GPLD1: variants seen among roughly 807,000 people sequenced by gnomAD.
GPLD1 encodes phosphatidylinositol-glycan-specific phospholipase D.
A neutral mutation model predicts 112.6 loss-of-function variants in GPLD1; 84 were observed. The ratio of observed to expected loss-of-function variants is 0.75; its 90% CI spans 0.63 to 0.89. The LOEUF (loss-of-function observed/expected upper bound fraction) is 0.89. GPLD1 is among the 40% of genes least tolerant of loss of function. The pLI is 0.00. For missense variants in GPLD1, 1,044 were observed against 1,051.5 expected (o/e 0.99, Z 0.10); for synonymous variants, 386 against 403.8 (o/e 0.96, Z 0.53).
chr6:24,451,332 CTTT>C (rs76706819), intron 14 of GPLD1, among the ~76,000 whole-genome samples: 1 of 151,566 alleles, frequency 6.6e-6, no homozygotes, highest in Non-Finnish European at 1.5e-5. Flanking sequence ...AATTCTTTCT[CTTT>C]TTTTTGTTTT....
At chr6:24,489,848 C>CAA (rs1209652771), upstream of GPLD1, among the ~76,000 whole-genome samples, 8 of 152,118 alleles carry the variant, frequency 5.3e-5, no homozygotes, top group African/African-American at 1.9e-4. Context: ...TGTAGAGATG[C>CAA]AAGCAAAGTT....
rs61733858 is a variant in GPLD1 at position 24,449,890 on chromosome 6, G to A, written c.1345C>T (p.Arg449Trp). Residue 449 changes from arginine (R) to tryptophan (W), a missense_variant, in exon 15 of 25, where the codon CGG becomes TGG. Coordinates refer to ENST00000230036, the MANE Select transcript of GPLD1 (RefSeq NM_001503.4). The stretch of plus-strand genomic sequence containing the variant: ...AACACAGCCAAGGCCGAGCCAAACC[G>A]ACCTGAGGGCTGAAGAGGCACAAGT... ...RILEGFQPSG[R>W]FGSALAVLDF... The A allele has an allele frequency of 9.8e-5, 158 of 1,612,594 alleles. No homozygotes were observed. In the Middle Eastern group the frequency reaches 1.5e-3, roughly 15 times the overall value.
chr6:24,495,000 G>A, exon 1 of GPLD1: 2 of 1,319,178 alleles, frequency 1.5e-6, no homozygotes, highest in Non-Finnish European at 1.9e-6. Flanking sequence ...CCGGGCCATG[G>A]CGACCTGCAT....
chr6:24,465,572 A>G (rs894147005), intron 10 of GPLD1, among the ~76,000 whole-genome samples: 8 of 150,760 alleles, frequency 5.3e-5, no homozygotes, highest in Non-Finnish European at 1.2e-4. Context: ...TGTGCTCTTA[A>G]AAAAAAAAGA....
intron 1 of GPLD1, among the ~76,000 whole-genome samples, chr6:24,487,373 A>T (rs1030167702): frequency 6.6e-6 from 1 of 152,198 alleles, no homozygotes; most frequent in Non-Finnish European, 1.5e-5. Flanking sequence ...AAATTCTCAG[A>T]ATCCGTGCAG....
At chr6:24,494,941 G>C in intron 1 of GPLD1, 1 of 1,274,852 alleles carries the variant, frequency 7.8e-7, no homozygotes, top group Non-Finnish European at 9.9e-7. Context: ...CGACCCCTGC[G>C]TTCCCGTGCG....
At chr6:24,463,844 C>T (rs1321856906) in intron 10 of GPLD1, among the ~76,000 whole-genome samples, 1 of 152,262 alleles carries the variant, frequency 6.6e-6, no homozygotes, top group South Asian at 2.1e-4. Context: ...ATTTCCCATA[C>T]ATTTTCATAA....
At chr6:24,464,745 C>CCCT (rs893241856) in intron 10 of GPLD1, among the ~76,000 whole-genome samples, 13 of 152,206 alleles carry the variant, frequency 8.5e-5, no homozygotes, top group African/African-American at 3.1e-4. Flanking sequence ...GCCCAGAGAA[C>CCCT]CCTCTTTCCC....
At chr6:24,449,974 A>G in intron 14 of GPLD1, 75 bp from the exon 15 acceptor site, 1 of 1,053,804 alleles carries the variant, frequency 9.5e-7, no homozygotes, top group South Asian at 1.4e-5. Context: ...CCCAGGGAGT[A>G]GAGAGGCCTG....
rs575231822 is a variant in GPLD1, at chr6:24,479,295, C to T, written c.232+586G>A. Among the ~76,000 whole-genome samples, 4 of 152,258 alleles carry T rather than the reference C, an allele frequency of 2.6e-5. No homozygotes were observed. In the South Asian group the frequency reaches 6.2e-4, roughly 24 times the overall value. On this transcript the variant is annotated intron_variant, in intron 3 of 24. Coordinates refer to ENST00000230036, the MANE Select transcript of GPLD1 (RefSeq NM_001503.4). ...CTGTAAGAGAGAGAGTGTTCCTGAC[C>T]GAAATCGGCCAGAAGCCCCTCTCAG...
At chr6:24,473,470 C>T (rs1279932105) in intron 6 of GPLD1, 149 bp downstream of exon 6, 20 of 507,704 alleles carry the variant, frequency 3.9e-5, no homozygotes, top group East Asian at 1.5e-4. Context: ...AAATGAGGTA[C>T]ATCTCTACTC....
At chr6:24,432,872 A>C (rs1024897164) in intron 24 of GPLD1, among the ~76,000 whole-genome samples, 1 of 152,162 alleles carries the variant, frequency 6.6e-6, no homozygotes, top group Non-Finnish European at 1.5e-5. Context: ...TTTAAACTTC[A>C]TATGTTACAA....
intron 5 of GPLD1, among the ~76,000 whole-genome samples, 185 bp from the exon 6 acceptor site, chr6:24,473,852 C>T (rs1045131021): frequency 1.6e-4 from 25 of 152,200 alleles, no homozygotes; most frequent in African/African-American, 4.3e-4. Flanking sequence ...AGGCAGGGCG[C>T]GGTAGCTCAC....
intron 10 of GPLD1, among the ~76,000 whole-genome samples, chr6:24,465,209 A>AAAAAGAAAAGAAAAG (rs1183805981): frequency 1.9e-5 from 2 of 107,278 alleles, no homozygotes; most frequent in African/African-American, 9.1e-5. Context: ...AAAAAAAAAA[A>AAAAAGAAAAGAAAAG]AAAAGAAAAG....
chr6:24,479,429 T>C (rs1764129101), intron 3 of GPLD1, among the ~76,000 whole-genome samples: 1 of 152,220 alleles, frequency 6.6e-6, no homozygotes, highest in Admixed American at 6.5e-5. Flanking sequence ...TGCATAACAC[T>C]TGACAAAATA....
intron 14 of GPLD1, among the ~76,000 whole-genome samples, chr6:24,450,432 C>T (rs760055304): frequency 6.6e-6 from 1 of 151,958 alleles, no homozygotes; most frequent in Non-Finnish European, 1.5e-5. Context: ...ATCTGGGAGG[C>T]GGAGGTTGCA....
intron 3 of GPLD1, among the ~76,000 whole-genome samples, chr6:24,477,013 A>G (rs901200951): frequency 6.6e-5 from 10 of 152,072 alleles, no homozygotes; most frequent in African/African-American, 2.4e-4. Flanking sequence ...CCAGTTTTAA[A>G]TCATTGGTTT....
At chr6:24,447,446 G>A (rs1256962540) in intron 17 of GPLD1, among the ~76,000 whole-genome samples, 1 of 152,156 alleles carries the variant, frequency 6.6e-6, no homozygotes. Context: ...AACCTGGGAG[G>A]TGGAGGTTGT....
chr6:24,482,415 G>A lies in GPLD1; in HGVS notation c.154-2456C>T, dbSNP rs569786190. Among the ~76,000 whole-genome samples the A allele has an allele frequency of 4.0e-5, 6 of 151,722 alleles. No individual in the cohort carries two copies. In the South Asian group the frequency reaches 1.3e-3, roughly 32 times the overall value. On this transcript the variant is annotated intron_variant, in intron 2 of 24. Coordinates refer to ENST00000230036, the MANE Select transcript of GPLD1 (RefSeq NM_001503.4). ...CCTGCCTCAGCCTCCTGAGTAGCTG[G>A]GATTACAGGCACCGGTCACCACGCC...
Sources: gnomAD v4.1 joint callset for allele counts (sites outside exome capture counted in the v4.1 genomes callset) on GRCh38, gnomAD v4.1.1 for gene constraint, MANE v1.5 for transcripts, NCBI Gene and HGNC (gene_info 2026-07-23, HGNC 2026-07-21) for gene names.